The following STAT4 variants were observed in gnomAD, a reference collection of about 807,000 sequenced individuals.
STAT4 encodes the protein signal transducer and activator of transcription 4.
In STAT4, 42 loss-of-function variants were observed where a neutral mutation model predicts 110.5. The observed-to-expected ratio is 0.38, with a 90% CI of 0.30 to 0.49. The LOEUF (loss-of-function observed/expected upper bound fraction) is 0.49. Among genes scored for constraint, STAT4 ranks in the 20% least tolerant of loss-of-function variants. STAT4 has a pLI of 0.95. For missense variants in STAT4, 632 were observed against 887.9 expected (o/e 0.71, Z 3.66); for synonymous variants, 284 against 302.2 (o/e 0.94, Z 0.63).
At chr2:191,055,438 C>T (rs1304096026) in intron 13 of STAT4, among the ~76,000 whole-genome samples, 1 of 132,770 alleles carries the variant, frequency 7.5e-6, no homozygotes, top group African/African-American at 2.9e-5. Flanking sequence ...CCAGGATGGT[C>T]TCGATCTCCT....
intron 14 of STAT4, among the ~76,000 whole-genome samples, chr2:191,054,059 C>T (rs1295842818): frequency 1.4e-5 from 2 of 146,322 alleles, no homozygotes; most frequent in African/African-American, 2.5e-5. Flanking sequence ...GCCTGGGAGG[C>T]GAAAGCTGCA....
At position 191,039,804 on chromosome 2, in the gene STAT4, T is replaced by G. The variant is rs575643918; in HGVS notation, c.1336-507A>C. On this transcript the variant is annotated intron_variant, in intron 15 of 23. Transcript: ENST00000392320. The surrounding 1 kb of genome is among the most constrained non-coding windows in gnomAD (Gnocchi z 4.7). ...CTATGGGAGATAGAGCCGTCTGTGC[T>G]ATTGTTACAGAACTAACTCAATTTA... 6.6e-6 allele frequency among the ~76,000 whole-genome samples: 1 copy of G among 152,370 alleles called. No individual in the cohort carries two copies. The highest frequency in any genetic ancestry group is 2.4e-5 in the African/African-American group (1 of 41,592).
intron 3 of STAT4, chr2:191,131,724 T>C (rs1183753013): frequency 1.6e-6 from 2 of 1,213,278 alleles, no homozygotes; most frequent in Non-Finnish European, 2.1e-6. Context: ...AATTCTCCGA[T>C]GTTTTGTATT....
At chr2:191,141,433 C>CATATACATATGTATATCACAT (rs1197918074) in intron 3 of STAT4, among the ~76,000 whole-genome samples, 4 of 40,134 alleles carry the variant, frequency 1.0e-4, no homozygotes, top group African/African-American at 1.6e-4. Context: ...CACATACATA[C>CATATACATATGTATATCACAT]ATATACATAT....
intron 15 of STAT4, among the ~76,000 whole-genome samples, chr2:191,040,692 G>A (rs1434864161): frequency 3.3e-5 from 5 of 152,072 alleles, no homozygotes; most frequent in African/African-American, 1.2e-4. Flanking sequence ...CTCCTGAGTA[G>A]CTGGGACTAC....
At position 191,077,173 on chromosome 2, in the gene STAT4, A is replaced by C. The variant is rs1697339081; in HGVS notation, c.274-848T>G. Among the ~76,000 whole-genome samples, 1 of 150,984 alleles carries C rather than the reference A, an allele frequency of 6.6e-6. No individual in the cohort carries two copies. The highest frequency in any genetic ancestry group is 1.5e-5 in the Non-Finnish European group (1 of 67,202). On this transcript the variant is annotated intron_variant, in intron 3 of 23. Coordinates refer to ENST00000392320, the MANE Select transcript of STAT4 (RefSeq NM_003151.4). The surrounding 1 kb of genome is among the most constrained non-coding windows in gnomAD (Gnocchi z 4.1). ...CAAGGTTAATGATGCAGATACTGTAAATTGGCAGCCTGTGGGCCTAATTCA... is the reference window on the plus strand; with the variant it reads ...CAAGGTTAATGATGCAGATACTGTACATTGGCAGCCTGTGGGCCTAATTCA...
intron 3 of STAT4, among the ~76,000 whole-genome samples, chr2:191,128,624 A>G (rs1225637344): frequency 1.3e-5 from 2 of 152,228 alleles, no homozygotes; most frequent in African/African-American, 4.8e-5. Flanking sequence ...ATTTTCGTTC[A>G]GCCATACCCA....
In STAT4 at chr2:191,051,548, C is replaced by G. The variant is rs1315422838; in HGVS notation, c.1251+2942G>C. ...TCCACTATGCCACTGAGGCACGACA[C>G]AAGTGCAAAAGGAGACACAGTAGAC... On this transcript the variant is annotated intron_variant, in intron 14 of 23. Coordinates refer to ENST00000392320, the MANE Select transcript of STAT4 (RefSeq NM_003151.4). The surrounding 1 kb of genome is among the most constrained non-coding windows in gnomAD (Gnocchi z 5.6). Among the ~76,000 whole-genome samples the G allele has an allele frequency of 6.6e-6, 1 of 152,244 alleles. No individual in the cohort carries two copies. The highest frequency in any genetic ancestry group is 1.5e-5 in the Non-Finnish European group (1 of 68,040).
intron 3 of STAT4, among the ~76,000 whole-genome samples, chr2:191,093,281 G>C (rs1298205427): frequency 1.3e-5 from 2 of 152,220 alleles, no homozygotes; most frequent in Non-Finnish European, 2.9e-5. Context: ...CTAACCGGGA[G>C]ACACCTCCCA....
rs1696138969 is a variant in STAT4 at position 191,039,791 on chromosome 2, G to A, written c.1336-494C>T. 6.6e-6 allele frequency among the ~76,000 whole-genome samples: 1 copy of A among 152,224 alleles called. No individual in the cohort carries two copies. Among genetic ancestry groups the A allele is most frequent in the South Asian group, 2.1e-4 (1 of 4,834 alleles). ...TAGGAGAGATAAGCTATGGGAGATA[G>A]AGCCGTCTGTGCTATTGTTACAGAA... On this transcript the variant is annotated intron_variant, in intron 15 of 23. Coordinates refer to ENST00000392320, the MANE Select transcript of STAT4 (RefSeq NM_003151.4). The surrounding 1 kb of genome is among the most constrained non-coding windows in gnomAD (Gnocchi z 4.7).
At chr2:191,132,518 C>T (rs1437021184) in intron 3 of STAT4, among the ~76,000 whole-genome samples, 5 of 151,572 alleles carry the variant, frequency 3.3e-5, no homozygotes, top group African/African-American at 1.2e-4. Context: ...TGGTGATGAG[C>T]ACTGAATCTA....
chr2:191,068,420 A>G (rs1697052558), intron 6 of STAT4: 1 of 152,170 alleles, frequency 6.6e-6, no homozygotes, highest in Non-Finnish European at 1.5e-5. Flanking sequence ...GTATGTACAA[A>G]TAATTGTGAA....
chr2:191,115,486 C>T (rs1185038286), intron 3 of STAT4, among the ~76,000 whole-genome samples: 1 of 152,180 alleles, frequency 6.6e-6, no homozygotes, highest in African/African-American at 2.4e-5. Context: ...CTGTCTGGTT[C>T]ATTTGTGCAA....
At position 191,130,915 on chromosome 2, in the gene STAT4, A is replaced by C. The variant is rs563509045; in HGVS notation, c.273+15698T>G. ...ACTACATATGAAAGCATACAAAATC[A>C]CCTCTCAAAAATATCAAAAATTAAA... is the stretch of plus-strand genomic sequence containing the variant. On this transcript the variant is annotated intron_variant, in intron 3 of 23. Coordinates refer to ENST00000392320, the MANE Select transcript of STAT4 (RefSeq NM_003151.4). 5.3e-5 allele frequency among the ~76,000 whole-genome samples: 8 copies of C among 149,842 alleles called. No individual in the cohort carries two copies. In the East Asian group the frequency reaches 1.6e-3, roughly 29 times the overall value.
chr2:191,141,612 CACAT>C (rs1559085864), intron 3 of STAT4, among the ~76,000 whole-genome samples: 1 of 138,856 alleles, frequency 7.2e-6, no homozygotes, highest in African/African-American at 2.5e-5. Flanking sequence ...TATACACACA[CACAT>C]ATATATATAT....
intron 3 of STAT4, among the ~76,000 whole-genome samples, chr2:191,106,682 TAA>T (rs1218134325): frequency 5.3e-5 from 8 of 150,276 alleles, no homozygotes; most frequent in African/African-American, 1.5e-4. Context: ...TAAAATAAAA[TAA>T]AATAAAATAA....
At chr2:191,105,732 A>G (rs564731960) in intron 3 of STAT4, among the ~76,000 whole-genome samples, 2 of 152,360 alleles carry the variant, frequency 1.3e-5, no homozygotes, top group Admixed American at 6.5e-5. Context: ...TTTCCACATC[A>G]TTAGTCTTCA....
chr2:191,071,563 C>T lies in STAT4; in HGVS notation c.465+1535G>A, dbSNP rs75815534. 1.6e-3 allele frequency among the ~76,000 whole-genome samples: 249 copies of T among 152,192 alleles called. 6 individuals are homozygous for T. In the East Asian group the frequency reaches 0.047, roughly 28 times the overall value. Reference sequence around the variant, plus strand: ...ATGCCAGATCTCTGAAAAGTCAATGCTATGGTAAGTAATTAAGGGGCTTCT... The same window carrying T: ...ATGCCAGATCTCTGAAAAGTCAATGTTATGGTAAGTAATTAAGGGGCTTCT... On this transcript the variant is annotated intron_variant, in intron 5 of 23. Coordinates refer to ENST00000392320, the MANE Select transcript of STAT4 (RefSeq NM_003151.4).
chr2:191,049,635 A>G (rs1028895479), intron 14 of STAT4, among the ~76,000 whole-genome samples: 1 of 152,228 alleles, frequency 6.6e-6, no homozygotes, highest in African/African-American at 2.4e-5. Context: ...GAAACAATTA[A>G]AATAACCCTT....
Sources: allele counts gnomAD v4.1 joint callset (sites outside exome capture counted in the v4.1 genomes callset), GRCh38; gene constraint gnomAD v4.1.1; non-coding constraint Gnocchi (gnomAD v3.1); transcripts MANE v1.5; gene names NCBI Gene and HGNC (gene_info 2026-07-23, HGNC 2026-07-21).